NRP2: variants seen among roughly 807,000 people sequenced by gnomAD.
NRP2 encodes neuropilin 2, also known as neuropilin-2.
In NRP2, 52 loss-of-function variants were observed where a neutral mutation model predicts 110.4. The ratio of observed to expected loss-of-function variants is 0.47; its 90% CI spans 0.38 to 0.59. The LOEUF is 0.59. Among genes scored for constraint, NRP2 ranks in the 20% least tolerant of loss-of-function variants. The probability of loss-of-function intolerance (pLI) is 0.00; values close to 1 mark genes in which losing one functional copy is unlikely to be tolerated. For missense variants in NRP2, 1,049 were observed against 1,203.0 expected, an observed-to-expected ratio of 0.87 and a Z score of 1.89; for synonymous variants, 508 against 468.9, an observed-to-expected ratio of 1.08 and a Z score of -1.08.
chr2:205,762,361 G>A (rs1575645982), intron 12 of NRP2: 1 of 152,398 alleles, frequency 6.6e-6, no homozygotes, highest in East Asian at 1.9e-4. Flanking sequence ...CCACTGATGG[G>A]AGGTCCAGCA....
rs187417335 is a variant in NRP2 at position 205,697,730 on chromosome 2, C to A, written c.251+9C>A. The A allele has an allele frequency of 6.2e-7, 1 of 1,613,640 alleles. No homozygotes were observed. Among genetic ancestry groups the A allele is most frequent in the South Asian group, 1.1e-5 (1 of 91,050 alleles). On this transcript the variant is annotated intron_variant, in intron 2 of 16. Transcript: ENST00000357785. ...GAGAAGCACGACTGCAAGTAAGCAC[C>A]GTCCTGTCCCACTGTGTATCCCATC...
At chr2:205,754,500 A>G (rs2105900104) in intron 12 of NRP2, among the ~76,000 whole-genome samples, 1 of 152,322 alleles carries the variant, frequency 6.6e-6, no homozygotes, top group East Asian at 1.9e-4. Flanking sequence ...CCACAGCCTC[A>G]GGCAAAAGAA....
At chr2:205,722,813 CT>C in intron 4 of NRP2, 105 bp downstream of exon 4, 1 of 875,232 alleles carries the variant, frequency 1.1e-6, no homozygotes, top group Non-Finnish European at 1.9e-6. Context: ...CCTATGAGTT[CT>C]TATATGACCC....
At chr2:205,750,865 G>A (rs541223517) in intron 11 of NRP2, among the ~76,000 whole-genome samples, 1 of 152,308 alleles carries the variant, frequency 6.6e-6, no homozygotes, top group African/African-American at 2.4e-5. Context: ...TGGAGTGGAT[G>A]ACTCCAGAAA....
chr2:205,759,682 A>C (rs950677160), intron 12 of NRP2: 2 of 152,210 alleles, frequency 1.3e-5, no homozygotes, highest in African/African-American at 4.8e-5. Flanking sequence ...TACTGCCCTC[A>C]TGCCAAACAT....
chr2:205,697,438 T>A, intron 1 of NRP2, 106 bp from the exon 2 acceptor site: 1 of 1,072,272 alleles, frequency 9.3e-7, no homozygotes, highest in African/African-American at 1.5e-5. Flanking sequence ...AAAAGGTCTG[T>A]AAAATAGTTT....
intron 12 of NRP2, among the ~76,000 whole-genome samples, chr2:205,758,962 G>C (rs527364669): frequency 6.6e-6 from 1 of 151,914 alleles, no homozygotes; most frequent in Admixed American, 6.6e-5. Context: ...CAAGTAATCA[G>C]TAGCCACTGT....
intron 10 of NRP2, among the ~76,000 whole-genome samples, chr2:205,748,964 T>C (rs1157176572): frequency 1.3e-5 from 2 of 152,248 alleles, no homozygotes; most frequent in African/African-American, 4.8e-5. Context: ...CCAGGGTTCA[T>C]TGTGTGCTAC....
intron 7 of NRP2, among the ~76,000 whole-genome samples, chr2:205,729,511 C>T (rs536123749): frequency 6.6e-6 from 1 of 152,276 alleles, no homozygotes; most frequent in South Asian, 2.1e-4. Context: ...CGGTAGATCT[C>T]GGAAGCTCAG....
intron 13 of NRP2, among the ~76,000 whole-genome samples, chr2:205,765,267 C>T (rs1287397536): frequency 1.3e-5 from 2 of 152,020 alleles, no homozygotes; most frequent in African/African-American, 4.8e-5. Context: ...CTTAAATATG[C>T]GTTTGATTTG....
chr2:205,684,620 A>C (rs1222661941), intron 1 of NRP2, among the ~76,000 whole-genome samples: 1 of 151,740 alleles, frequency 6.6e-6, no homozygotes, highest in East Asian at 2.0e-4. Context: ...GGGGGAAGAA[A>C]ATTCAGGAAT....
chr2:205,767,504 G>T (rs893019131), intron 15 of NRP2: 13 of 489,516 alleles, frequency 2.7e-5, no homozygotes, highest in Non-Finnish European at 4.9e-5. Flanking sequence ...CAGAAAGGAC[G>T]TGTTCTCCCC....
intron 7 of NRP2, among the ~76,000 whole-genome samples, chr2:205,733,901 C>G (rs1048410916): frequency 2.0e-5 from 3 of 152,060 alleles, no homozygotes; most frequent in African/African-American, 7.2e-5. Context: ...GCCTCAGCGT[C>G]TCGATGGGGG....
intron 15 of NRP2, among the ~76,000 whole-genome samples, chr2:205,789,356 G>A (rs1231342863): frequency 1.3e-5 from 2 of 152,186 alleles, no homozygotes; most frequent in Non-Finnish European, 2.9e-5. Context: ...ACTCGTGTGG[G>A]TGGTAAGATC....
chr2:205,750,275 C>A (rs1446955067), intron 11 of NRP2, among the ~76,000 whole-genome samples: 1 of 152,282 alleles, frequency 6.6e-6, no homozygotes, highest in African/African-American at 2.4e-5. Context: ...GGTGATGGAG[C>A]GCGATAGTTG....
intron 3 of NRP2, chr2:205,722,124 G>A (rs2057025411): frequency 2.9e-6 from 1 of 348,318 alleles, no homozygotes; most frequent in South Asian, 2.8e-5. Flanking sequence ...AGAAGACTCT[G>A]TTCCTCTTTT....
At chr2:205,732,544 T>C (rs1233050617) in intron 7 of NRP2, among the ~76,000 whole-genome samples, 2 of 152,206 alleles carry the variant, frequency 1.3e-5, no homozygotes, top group Admixed American at 6.5e-5. Context: ...CCAAATGGAA[T>C]GGCGCTGCGG....
intron 12 of NRP2, among the ~76,000 whole-genome samples, chr2:205,760,041 C>T (rs886724519): frequency 4.6e-5 from 7 of 152,190 alleles, no homozygotes; most frequent in East Asian, 1.9e-4. Context: ...TCAAATCCTA[C>T]GTCACTCCAA....
At chr2:205,715,558 AGGGAGGCGGTGGCCCAC>A (rs2056877892) in intron 2 of NRP2, among the ~76,000 whole-genome samples, 1 of 152,170 alleles carries the variant, frequency 6.6e-6, no homozygotes, top group Non-Finnish European at 1.5e-5. Flanking sequence ...GAGTCATCTT[AGGGAGGCGGTGGCCCAC>A]GGGTGGGGAG....
Sources: allele counts gnomAD v4.1 joint callset (sites outside exome capture counted in the v4.1 genomes callset), GRCh38; gene constraint gnomAD v4.1.1; transcripts MANE v1.5; gene names NCBI Gene and HGNC (gene_info 2026-07-23, HGNC 2026-07-21).